AIM2: variants seen among roughly 807,000 people sequenced by gnomAD.
AIM2 encodes interferon-inducible protein AIM2.
In AIM2, 30 loss-of-function variants were observed where a neutral mutation model predicts 27.7. That is an observed-to-expected ratio of 1.08 (90% CI 0.81 to 1.47). AIM2 has a LOEUF of 1.47. Ranked by LOEUF, AIM2 falls within the 40% of genes most tolerant of loss-of-function variation. The pLI, the probability that AIM2 is intolerant of heterozygous loss-of-function variation, is 0.00. For missense variants in AIM2, 358 were observed against 411.3 expected (o/e 0.87, Z 1.12); for synonymous variants, 141 against 145.3 (o/e 0.97, Z 0.21).
chr1:159,086,616 T>C (rs1210646499), intron 1 of AIM2, among the ~76,000 whole-genome samples: 1 of 152,222 alleles, frequency 6.6e-6, no homozygotes, highest in Non-Finnish European at 1.5e-5. Context: ...TAAGTGCTCC[T>C]GTTGTTTATT....
intron 1 of AIM2, among the ~76,000 whole-genome samples, chr1:159,118,812 T>C (rs527525249): frequency 6.6e-6 from 1 of 152,222 alleles, no homozygotes; most frequent in South Asian, 2.1e-4. Context: ...CACAATACAG[T>C]TGTCATTTGG....
At chr1:159,141,691 A>G (rs1333816178), upstream of AIM2, among the ~76,000 whole-genome samples, 1 of 152,052 alleles carries the variant, frequency 6.6e-6, no homozygotes, top group Non-Finnish European at 1.5e-5. Context: ...AGACCTCACC[A>G]CACACACAGC....
At chr1:159,109,025 A>C (rs1657511352) in intron 1 of AIM2, among the ~76,000 whole-genome samples, 1 of 152,228 alleles carries the variant, frequency 6.6e-6, no homozygotes, top group African/African-American at 2.4e-5. Context: ...CATTCTTCAC[A>C]GAATTAGAAA....
chr1:159,077,633 T>C (rs924479255), upstream of AIM2, among the ~76,000 whole-genome samples: 2 of 152,184 alleles, frequency 1.3e-5, no homozygotes, highest in African/African-American at 4.8e-5. Context: ...CTAACCTTTT[T>C]GACCGCATTT....
intron 1 of AIM2, among the ~76,000 whole-genome samples, chr1:159,120,261 C>A (rs1300719492): frequency 1.3e-5 from 2 of 152,056 alleles, no homozygotes; most frequent in Non-Finnish European, 2.9e-5. Context: ...AAAAATTGTG[C>A]CACCAAAAGA....
At chr1:159,072,621 A>T (rs947741447) in intron 2 of AIM2, among the ~76,000 whole-genome samples, 3 of 152,210 alleles carry the variant, frequency 2.0e-5, no homozygotes, top group African/African-American at 7.2e-5. Flanking sequence ...TAATGTAAAA[A>T]AAATCTTTGT....
chr1:159,114,100 CCTTT>C (rs779272254), intron 1 of AIM2, among the ~76,000 whole-genome samples: 1 of 152,132 alleles, frequency 6.6e-6, no homozygotes, highest in South Asian at 2.1e-4. Context: ...AAGAGCTCTT[CCTTT>C]GTTTCCCAGA....
chr1:159,113,970 G>C (rs771680800), intron 1 of AIM2, among the ~76,000 whole-genome samples: 2 of 152,148 alleles, frequency 1.3e-5, no homozygotes, highest in Non-Finnish European at 2.9e-5. Context: ...GGATTTTAAG[G>C]CTCCTCCCAT....
chr1:159,086,817 C>T (rs929305328), intron 1 of AIM2, among the ~76,000 whole-genome samples: 1 of 152,182 alleles, frequency 6.6e-6, no homozygotes, highest in Non-Finnish European at 1.5e-5. Flanking sequence ...TAAGAGTTTA[C>T]ATGTTTAAAA....
At chr1:159,140,880 G>A (rs2102059132), upstream of AIM2, among the ~76,000 whole-genome samples, 1 of 152,312 alleles carries the variant, frequency 6.6e-6, no homozygotes, top group African/African-American at 2.4e-5. Flanking sequence ...AACACTTGAA[G>A]TCTGTCCTAC....
At chr1:159,055,562 T>G in the AIM2 span, among the ~76,000 whole-genome samples, 2 of 152,158 alleles carry the variant, frequency 1.3e-5, no homozygotes, top group African/African-American at 4.8e-5. Flanking sequence ...AAATATCTGG[T>G]TTTATGCATT....
At chr1:159,130,830 ACACACACACACACG>A (rs904471846) in intron 1 of AIM2, among the ~76,000 whole-genome samples, 1 of 151,596 alleles carries the variant, frequency 6.6e-6, no homozygotes, top group African/African-American at 2.4e-5. Flanking sequence ...ACACACACAC[ACACACACACACACG>A]CACGCACTCT....
At chr1:159,118,307 A>T (rs924475260) in intron 1 of AIM2, among the ~76,000 whole-genome samples, 1 of 152,208 alleles carries the variant, frequency 6.6e-6, no homozygotes, top group Non-Finnish European at 1.5e-5. Flanking sequence ...GTCTCAAACA[A>T]CAGCTTTATA....
At chr1:159,080,248 C>T (rs1486450339), upstream of AIM2, among the ~76,000 whole-genome samples, 1 of 152,118 alleles carries the variant, frequency 6.6e-6, no homozygotes, top group Non-Finnish European at 1.5e-5. Flanking sequence ...TATGTTTAGT[C>T]TTGTAAGAAA....
At chr1:159,089,925 A>G (rs1238615046) in intron 1 of AIM2, among the ~76,000 whole-genome samples, 1 of 152,180 alleles carries the variant, frequency 6.6e-6, no homozygotes, top group South Asian at 2.1e-4. Flanking sequence ...CAGCTGCTAG[A>G]AGTGTTACAG....
At chr1:159,117,164 G>A (rs371404353) in intron 1 of AIM2, among the ~76,000 whole-genome samples, 1 of 152,294 alleles carries the variant, frequency 6.6e-6, no homozygotes, top group South Asian at 2.1e-4. Context: ...TTGGAAGGCT[G>A]TGTAGTAGCA....
chr1:159,086,323 C>T (rs1224584745), intron 1 of AIM2, among the ~76,000 whole-genome samples: 1 of 152,316 alleles, frequency 6.6e-6, no homozygotes, highest in East Asian at 1.9e-4. Context: ...TCTTTGTCCT[C>T]GTTGTCAGTG....
rs1488331560 is a variant in AIM2, at chr1:159,074,150, AG to A, written c.-20-632del. ...CATACAACACGGTGCATACACTGGA[AG>A]TATACAATCTGATAAATTTTGGCAT... On this transcript the variant is annotated intron_variant, in intron 1 of 5. Transcript: ENST00000368130. 9.8e-5 allele frequency among the ~76,000 whole-genome samples: 15 copies of A among 152,332 alleles called. 1 individual carries two copies. Among genetic ancestry groups the A allele is most frequent in the African/African-American group, 3.6e-4 (15 of 41,578 alleles).
chr1:159,066,853 G>A (rs1340933068), intron 3 of AIM2, among the ~76,000 whole-genome samples: 4 of 152,156 alleles, frequency 2.6e-5, no homozygotes, highest in African/African-American at 9.7e-5. Context: ...TGTGAGTTAA[G>A]GGGGAGACCT....
Sources: allele counts gnomAD v4.1 joint callset (sites outside exome capture counted in the v4.1 genomes callset), GRCh38; gene constraint gnomAD v4.1.1; transcripts MANE v1.5; gene names NCBI Gene and HGNC (gene_info 2026-07-23, HGNC 2026-07-21).